The following MAML3 variants were observed in gnomAD, a reference collection of about 807,000 sequenced individuals.
The protein encoded by MAML3 is mastermind like transcriptional coactivator 3.
A neutral mutation model predicts 101.9 loss-of-function variants in MAML3; 27 were observed. The ratio of observed to expected loss-of-function variants is 0.27; its 90% CI spans 0.20 to 0.37. The LOEUF (loss-of-function observed/expected upper bound fraction) is 0.37. MAML3 is among the 10% of genes least tolerant of loss of function. The pLI is 1.00. For missense variants in MAML3, 1,316 were observed against 1,444.9 expected, an observed-to-expected ratio of 0.91 and a Z score of 1.45; for synonymous variants, 501 against 555.9, an observed-to-expected ratio of 0.90 and a Z score of 1.39.
At chr4:139,847,624 A>G (rs1182216105) in intron 2 of MAML3, among the ~76,000 whole-genome samples, 1 of 152,240 alleles carries the variant, frequency 6.6e-6, no homozygotes, top group Non-Finnish European at 1.5e-5. Flanking sequence ...GGTGAACAGG[A>G]TCAATTAAGT....
At chr4:139,729,326 T>C (rs1728606998) in intron 3 of MAML3, among the ~76,000 whole-genome samples, 2 of 152,062 alleles carry the variant, frequency 1.3e-5, no homozygotes, top group African/African-American at 2.4e-5. Flanking sequence ...CTTAGTAAAT[T>C]TGCAAAATTC....
intron 3 of MAML3, among the ~76,000 whole-genome samples, chr4:139,729,156 C>CAAAAAAAAAAAAAAA (rs4057275): frequency 1.2e-5 from 1 of 81,702 alleles, no homozygotes; most frequent in Non-Finnish European, 2.3e-5. Context: ...GGAACAAAAG[C>CAAAAAAAAAAAAAAA]AAAAAAAAAA....
chr4:140,126,839 T>C (rs147628163), intron 1 of MAML3, among the ~76,000 whole-genome samples: 12 of 152,302 alleles, frequency 7.9e-5, no homozygotes, highest in Non-Finnish European at 1.6e-4. Context: ...GCCAGAAAAC[T>C]GGAAGTCATC....
intron 1 of MAML3, among the ~76,000 whole-genome samples, chr4:140,144,417 G>A (rs998681103): frequency 2.6e-5 from 4 of 152,000 alleles, no homozygotes; most frequent in East Asian, 3.9e-4. Context: ...GAGTGGTGGC[G>A]AGCACCTGTA....
chr4:139,995,770 CTAT>C (rs1305563943), intron 1 of MAML3, among the ~76,000 whole-genome samples: 1 of 151,674 alleles, frequency 6.6e-6, no homozygotes, highest in Non-Finnish European at 1.5e-5. Flanking sequence ...CTGATTTTCT[CTAT>C]TTTTTTTCTT....
chr4:140,052,633 C>T (rs558199649), intron 1 of MAML3, among the ~76,000 whole-genome samples: 221 of 150,398 alleles, frequency 1.5e-3, no homozygotes, highest in African/African-American at 4.9e-3. Context: ...CTCCTAGGTT[C>T]GAGTGATTCT....
intron 1 of MAML3, among the ~76,000 whole-genome samples, chr4:139,998,858 T>C (rs1292725739): frequency 6.6e-6 from 1 of 152,204 alleles, no homozygotes. Flanking sequence ...CTTTTCATTT[T>C]TAATCCTGGC....
At chr4:139,958,707 T>C (rs537004273) in intron 1 of MAML3, among the ~76,000 whole-genome samples, 2 of 152,338 alleles carry the variant, frequency 1.3e-5, no homozygotes, top group East Asian at 3.9e-4. Flanking sequence ...GTCTTGAATT[T>C]TGTGCTACGT....
At chr4:140,134,472 T>C (rs1578702744) in intron 1 of MAML3, 1 of 418,702 alleles carries the variant, frequency 2.4e-6, no homozygotes, top group Non-Finnish European at 4.8e-6. Context: ...TGTAAACAGA[T>C]CTATTCTCCA....
intron 2 of MAML3, among the ~76,000 whole-genome samples, chr4:139,799,980 T>C (rs779690053): frequency 6.6e-6 from 1 of 152,092 alleles, no homozygotes; most frequent in Non-Finnish European, 1.5e-5. Flanking sequence ...ATTTATAATA[T>C]CAGGAAAAAG....
chr4:139,988,222 G>A (rs1026766648), intron 1 of MAML3, among the ~76,000 whole-genome samples: 2 of 150,440 alleles, frequency 1.3e-5, no homozygotes, highest in African/African-American at 4.9e-5. Context: ...AGCTACTCGG[G>A]AGGCTGAGGC....
intron 2 of MAML3, among the ~76,000 whole-genome samples, chr4:139,868,895 GT>G (rs1294071148): frequency 6.6e-6 from 1 of 152,162 alleles, no homozygotes; most frequent in Non-Finnish European, 1.5e-5. Context: ...AATCCTTACA[GT>G]AAAAGCTCAC....
At chr4:139,829,000 AGGAAGGAAGGAAGGAAGGAAGGAC>A (rs1410813294) in intron 2 of MAML3, among the ~76,000 whole-genome samples, 13 of 132,774 alleles carry the variant, frequency 9.8e-5, no homozygotes, top group African/African-American at 3.6e-4. Flanking sequence ...GAAGGAAGGA[AGGAAGGAAGGAAGGAAGGAAGGAC>A]GGACGGACGG....
intron 1 of MAML3, among the ~76,000 whole-genome samples, chr4:140,037,296 G>A (rs749580599): frequency 2.6e-5 from 4 of 151,180 alleles, no homozygotes; most frequent in Non-Finnish European, 4.4e-5. Flanking sequence ...ACTAAGAACG[G>A]ATCAAGAAGT....
intron 1 of MAML3, among the ~76,000 whole-genome samples, chr4:139,983,224 A>G (rs747589793): frequency 6.6e-6 from 1 of 152,196 alleles, no homozygotes; most frequent in Non-Finnish European, 1.5e-5. Flanking sequence ...GAGTATATCC[A>G]CCACCCTAAA....
In MAML3 at chr4:139,954,202, G is replaced by C. The variant is rs568304761; in HGVS notation, c.469-63235C>G. 5.9e-5 allele frequency among the ~76,000 whole-genome samples: 9 copies of C among 152,208 alleles called. No individual in the cohort carries two copies. The East Asian group carries it at 1.7e-3, about 29-fold the overall frequency. On this transcript the variant is annotated intron_variant, in intron 1 of 4. Transcript: ENST00000509479. ...TACAGACAATGAGATTTACGACCTA[G>C]GAAACTCAAACGTGTCTGCTGAGAC...
At chr4:139,980,222 C>T (rs900014520) in intron 1 of MAML3, among the ~76,000 whole-genome samples, 2 of 152,162 alleles carry the variant, frequency 1.3e-5, no homozygotes, top group Admixed American at 6.5e-5. Flanking sequence ...GAAGAAGGAT[C>T]CTGTTGGCTT....
chr4:140,087,389 A>C (rs2110976787), intron 1 of MAML3, among the ~76,000 whole-genome samples: 1 of 152,310 alleles, frequency 6.6e-6, no homozygotes, highest in South Asian at 2.1e-4. Context: ...ACATTCTGTT[A>C]TTTGGGAATT....
intron 1 of MAML3, among the ~76,000 whole-genome samples, chr4:140,070,102 C>T (rs1422551856): frequency 3.3e-5 from 5 of 150,172 alleles, no homozygotes; most frequent in Admixed American, 1.3e-4. Flanking sequence ...GGAGACAGAG[C>T]GAGACTCCAT....
Sources: gnomAD v4.1 joint callset for allele counts (sites outside exome capture counted in the v4.1 genomes callset) on GRCh38, gnomAD v4.1.1 for gene constraint, MANE v1.5 for transcripts, NCBI Gene and HGNC (gene_info 2026-07-23, HGNC 2026-07-21) for gene names.